The following F3 variants were observed in gnomAD, a reference collection of about 807,000 sequenced individuals.
The protein encoded by F3 is coagulation factor III, tissue factor.
Under a neutral mutation model 33.5 loss-of-function variants are expected in F3, and 18 were observed. That is an observed-to-expected ratio of 0.54 (90% confidence interval 0.37 to 0.80). The LOEUF is 0.80. Ranked by LOEUF, F3 falls within the 30% of genes least tolerant of loss-of-function variation. The pLI is 0.00. For synonymous variants in F3, 147 were observed against 140.7 expected, an observed-to-expected ratio of 1.05 and a Z score of -0.32; for missense variants, 353 against 362.1, an observed-to-expected ratio of 0.97 and a Z score of 0.20.
rs1381060144 is a variant in F3, at chr1:94,536,107, G to C, written c.270C>G (p.Asp90Glu). The change falls in exon 3 of 6, where the codon GAC (aspartate) becomes GAG (glutamate). Residue 90 changes from aspartate to glutamate, a missense_variant. Coordinates refer to ENST00000334047, the MANE Select transcript of F3 (RefSeq NM_001993.5). ...CATCCTTCACAATCTCGTCGGTGAG[G>C]TCACACTCTGTGTCTGTTGTGTAAA... ...KCFYTTDTEC[D>E]LTDEIVKDVK... is the part of the protein sequence containing the mutation. 1.2e-6 allele frequency: 2 copies of C among 1,614,040 alleles called. No homozygotes were observed. The highest frequency in any genetic ancestry group is 1.7e-6 in the Non-Finnish European group (2 of 1,180,038).
chr1:94,540,580 C>T lies in F3; in HGVS notation c.101-212G>A, dbSNP rs3748016. 3.9e-3 allele frequency: 1,950 copies of T among 498,848 alleles called. 55 individuals are homozygous for T. The East Asian group carries it at 0.065, about 17-fold the overall frequency. The allele number at this position is 498,848 out of a possible 1,614,324, so 30.9% of individuals were successfully genotyped here. ...TTCATGACAAGATTCACCTTGTAAT[C>T]CCAGGACACCGGCAAGGATCTTGAC... On this transcript the variant is annotated intron_variant, in intron 1 of 5. Coordinates refer to ENST00000334047, the MANE Select transcript of F3 (RefSeq NM_001993.5).
chr1:94,541,613 C>T lies in F3; in HGVS notation c.24G>A (p.Arg8=). The change falls in exon 1 of 6, where the codon CGG becomes CGA. Residue 8 remains arginine, a synonymous_variant. Transcript: ENST00000334047. METPAWP[R]VPRPETAVAR... ...CGACGGCGGTCTCGGGGCGCGGGAC[C>T]CGGGGCCAGGCAGGGGTCTCCATGT... 1 of 1,456,220 alleles carries T rather than the reference C, an allele frequency of 6.9e-7. No individual in the cohort carries two copies. The highest frequency in any genetic ancestry group is 9.1e-7 in the Non-Finnish European group (1 of 1,103,660). 90.2% of individuals were successfully genotyped at this position (1,456,220 alleles called of 1,614,324 possible). A position where few individuals can be genotyped will look rare whatever the true frequency, so the allele number is the denominator to read the frequency against.
intron 5 of F3, 32 bp from the exon 6 acceptor site, chr1:94,530,628 A>T (rs1300250432): frequency 6.2e-7 from 1 of 1,613,500 alleles, no homozygotes; most frequent in Non-Finnish European, 8.5e-7. Context: ...GTCAACTTGG[A>T]GAGCTCAAAT....
chr1:94,530,908 C>A (rs1651404597), intron 5 of F3, among the ~76,000 whole-genome samples: 1 of 152,140 alleles, frequency 6.6e-6, no homozygotes, highest in East Asian at 1.9e-4. Flanking sequence ...AGATTGATGG[C>A]AATGATTATA....
At chr1:94,531,309 T>C (rs1651419181) in intron 5 of F3, among the ~76,000 whole-genome samples, 1 of 151,024 alleles carries the variant, frequency 6.6e-6, no homozygotes, top group Non-Finnish European at 1.5e-5. Flanking sequence ...GTTTCTTTTT[T>C]TTTTTTTTTT....
rs184391521 is a variant in F3 at position 94,531,678 on chromosome 1, G to A, written c.751+643C>T. ...ATACTTTCCCTGTAAGGCATGGATCGAGACACACAGGCTTGCAGCTTCCTG... is the reference window on the plus strand; with the variant it reads ...ATACTTTCCCTGTAAGGCATGGATCAAGACACACAGGCTTGCAGCTTCCTG... On this transcript the variant is annotated intron_variant, in intron 5 of 5. Transcript: ENST00000334047. 2.7e-3 allele frequency among the ~76,000 whole-genome samples: 406 copies of A among 152,290 alleles called. 1 individual carries two copies. Among genetic ancestry groups the A allele is most frequent in the African/African-American group, 9.5e-3 (394 of 41,552 alleles).
At chr1:94,534,621 G>A (rs979028017) in intron 3 of F3, among the ~76,000 whole-genome samples, 2 of 152,140 alleles carry the variant, frequency 1.3e-5, no homozygotes, top group Admixed American at 6.5e-5. Flanking sequence ...TCAAAAATAT[G>A]TAGGGCTGTG....
chr1:94,539,093 T>C (rs915683357), intron 2 of F3, among the ~76,000 whole-genome samples: 1 of 152,220 alleles, frequency 6.6e-6, no homozygotes, highest in Non-Finnish European at 1.5e-5. Context: ...ATTTTTACCA[T>C]ATGGAAGTAA....
At position 94,532,482 on chromosome 1, in the gene F3, T is replaced by C. The variant is rs139997737; in HGVS notation, c.592-2A>G. ...ATTAGTGTTTGTTTTGGCTGTTTTC[T>C]GTAAAAAGATAGAGTTCTTAATTCA... On this transcript the variant is annotated splice_acceptor_variant, in intron 4 of 5. Transcript: ENST00000334047. LOFTEE classifies it high-confidence loss of function. The C allele has an allele frequency of 6.2e-7, 1 of 1,613,726 alleles. No homozygotes were observed. Among genetic ancestry groups the C allele is most frequent in the African/African-American group, 1.3e-5 (1 of 74,906 alleles).
intron 4 of F3, 75 bp downstream of exon 4, chr1:94,533,015 G>T: frequency 7.0e-7 from 1 of 1,422,314 alleles, no homozygotes; most frequent in South Asian, 1.3e-5. Flanking sequence ...TTTTGAATTG[G>T]GGAAGAAATG....
chr1:94,533,189 A>G lies in F3; in HGVS notation c.492T>C (p.Thr164=). The change falls in exon 4 of 6, where the codon ACT becomes ACC. Residue 164 remains threonine, a synonymous_variant. Coordinates refer to ENST00000334047, the MANE Select transcript of F3 (RefSeq NM_001993.5). ...KVNVTVEDER[T]LVRRNNTFLS... ...GGAAAGTGTTGTTCCTTCTGACTAA[A>G]GTCCGTTCATCTTCTACGGTCACAT... The G allele has an allele frequency of 1.2e-6, 2 of 1,614,052 alleles. No individual in the cohort carries two copies. Among genetic ancestry groups the G allele is most frequent in the Non-Finnish European group, 1.7e-6 (2 of 1,180,006 alleles).
rs573517275 is a variant in F3 at position 94,540,662 on chromosome 1, C to T, written c.101-294G>A. The T allele has an allele frequency of 2.2e-5, 7 of 318,218 alleles. No individual in the cohort carries two copies. In the East Asian group the frequency reaches 5.7e-4, roughly 26 times the overall value. The allele number at this position is 318,218 out of a possible 1,614,324, so 19.7% of individuals were successfully genotyped here. A position where few individuals can be genotyped will look rare whatever the true frequency, so the allele number is the denominator to read the frequency against. ...CTTGTTATAACTTGACCGGGAAGAG[C>T]CCAGAGCCATCAGTGTGCCAGTCCA... On this transcript the variant is annotated intron_variant, in intron 1 of 5. Transcript: ENST00000334047.
chr1:94,533,747 C>T (rs187240463), intron 3 of F3, among the ~76,000 whole-genome samples: 47 of 152,186 alleles, frequency 3.1e-4, no homozygotes, highest in Admixed American at 1.4e-3. Context: ...ATGAAGATGA[C>T]GAGGATGAAC....
At position 94,529,248 on chromosome 1, in the gene F3, G is replaced by A. The variant is rs1265151458; in HGVS notation, c.*1212C>T. 1.3e-5 allele frequency: 2 copies of A among 152,610 alleles called. No homozygotes were observed. Among genetic ancestry groups the A allele is most frequent in the South Asian group, 4.1e-4 (2 of 4,828 alleles). 9.5% of individuals were successfully genotyped at this position (152,610 alleles called of 1,614,324 possible). A position where few individuals can be genotyped will look rare whatever the true frequency, so the allele number is the denominator to read the frequency against. On this transcript the variant is annotated 3_prime_UTR_variant, in exon 6 of 6. Transcript: ENST00000334047. ...ACTGACAATTTTACAGTCATTTACT[G>A]TAGTAGAGCTAATACAAACACCAAA...
chr1:94,534,855 T>G (rs1651551507), intron 3 of F3, among the ~76,000 whole-genome samples: 1 of 152,092 alleles, frequency 6.6e-6, no homozygotes, highest in Non-Finnish European at 1.5e-5. Flanking sequence ...CAAGAACTAT[T>G]AATATAAAAG....
chr1:94,541,544 G>A lies in F3; in HGVS notation c.93C>T (p.Gly31=), dbSNP rs918508363. The change falls in exon 1 of 6, where the codon GGC becomes GGT. Residue 31 remains glycine (G), a synonymous_variant. Transcript: ENST00000334047. ...LLGWVFAQVA[G]ASGTTNTVAA... ...GGGGCTGGTGCCACTCACCTGAAGC[G>A]CCGGCCACCTGGGCGAAGACCCAGC... is the stretch of plus-strand genomic sequence containing the variant. 1 of 1,495,150 alleles carries A rather than the reference G, an allele frequency of 6.7e-7. No individual in the cohort carries two copies. The highest frequency in any genetic ancestry group is 1.3e-5 in the South Asian group (1 of 78,712). The allele number at this position is 1,495,150 out of a possible 1,614,324, so 92.6% of individuals were successfully genotyped here. A position where few individuals can be genotyped will look rare whatever the true frequency, so the allele number is the denominator to read the frequency against.
Position 94,541,654 on chromosome 1 carries a change from G to A in F3, c.-18C>T. 1 of 1,385,390 alleles carries A rather than the reference G, an allele frequency of 7.2e-7. No homozygotes were observed. The allele number at this position is 1,385,390 out of a possible 1,614,324, so 85.8% of individuals were successfully genotyped here. ...GTCTCCATGTCTACCAGTTGGCGGC[G>A]AGATCGAGCGGGTTCCGTGGCGCCC... On this transcript the variant is annotated 5_prime_UTR_variant, in exon 1 of 6. Transcript: ENST00000334047.
rs745935123 is a variant in F3 at position 94,533,096 on chromosome 1, T to C, written c.585A>G (p.Ser195=). 5 of 1,612,530 alleles carry C rather than the reference T, an allele frequency of 3.1e-6. No individual in the cohort carries two copies. In the South Asian group the frequency reaches 3.3e-5, roughly 11 times the overall value. The change falls in exon 4 of 6, where the codon TCA becomes TCG. Residue 195 remains serine (S), a synonymous_variant. Transcript: ENST00000334047. ...CAAATTAAAAAATGCTCACCTTTCC[T>C]GAACTTGAAGATTTCCAATAATAAA... ...YTLYYWKSSS[S]GKKTAKTNTN...
chr1:94,541,544 G>T lies in F3; in HGVS notation c.93C>A (p.Gly31=), dbSNP rs918508363. ...GGGGCTGGTGCCACTCACCTGAAGC[G>T]CCGGCCACCTGGGCGAAGACCCAGC... ...LLGWVFAQVA[G]ASGTTNTVAA... Residue 31 remains glycine (G), a synonymous_variant, in exon 1 of 6, where the codon GGC becomes GGA. Coordinates refer to ENST00000334047, the MANE Select transcript of F3 (RefSeq NM_001993.5). 1 of 1,495,152 alleles carries T rather than the reference G, an allele frequency of 6.7e-7. No homozygotes were observed. The highest frequency in any genetic ancestry group is 2.2e-5 in the Admixed American group (1 of 44,592). The allele number at this position is 1,495,152 out of a possible 1,614,324, so 92.6% of individuals were successfully genotyped here.
Sources: gnomAD v4.1 joint callset for allele counts (sites outside exome capture counted in the v4.1 genomes callset) on GRCh38, gnomAD v4.1.1 for gene constraint, MANE v1.5 for transcripts, NCBI Gene and HGNC (gene_info 2026-07-23, HGNC 2026-07-21) for gene names.